ARL17A: variants seen among roughly 807,000 people sequenced by gnomAD.
ARL17A encodes ARF like GTPase 17A, also known as ADP-ribosylation factor-like 17-like.
At chr17:46,522,436 C>CTTGTTTGTTTGT (rs200442940) in intron 3 of ARL17A, among the ~76,000 whole-genome samples, 11 of 120,344 alleles carry the variant, frequency 9.1e-5, no homozygotes, top group Non-Finnish European at 1.8e-4. Context: ...AAATGTGAGA[C>CTTGTTTGTTTGT]TTGTTTGTTT....
intron 4 of ARL17A, among the ~76,000 whole-genome samples, chr17:46,530,258 C>T (rs866144610): frequency 4.7e-3 from 546 of 116,094 alleles, no homozygotes; most frequent in African/African-American, 0.014. Context: ...GGGTAGCCGA[C>T]TTTGTACAGA....
rs2145908353 is a variant in ARL17A, at chr17:46,553,822, T to C, written c.*3534A>G. The C allele has an allele frequency of 3.5e-6, 1 of 287,914 alleles. No homozygotes were observed. The highest frequency in any genetic ancestry group is 1.4e-4 in the South Asian group (1 of 7,260). 17.8% of individuals were successfully genotyped at this position (287,914 alleles called of 1,614,324 possible). A position where few individuals can be genotyped will look rare whatever the true frequency, so the allele number is the denominator to read the frequency against. On this transcript the variant is annotated 3_prime_UTR_variant, in exon 4 of 4. Coordinates refer to ENST00000336125, the MANE Select transcript of ARL17A (RefSeq NM_001113738.2). ...GGACACACCTGCTGTCCCCAGCCCTTTCGGGAGGTGGGGAGGGATAGGAAG... is the reference window on the plus strand; with the variant it reads ...GGACACACCTGCTGTCCCCAGCCCTCTCGGGAGGTGGGGAGGGATAGGAAG...
chr17:46,534,701 A>C (rs1333960412), intron 4 of ARL17A, among the ~76,000 whole-genome samples: 1 of 149,904 alleles, frequency 6.7e-6, no homozygotes, highest in Non-Finnish European at 1.5e-5. Context: ...GTTCTCAATG[A>C]GCTGTTGGGT....
intron 3 of ARL17A, among the ~76,000 whole-genome samples, chr17:46,542,598 G>A (rs2055574827): frequency 6.7e-6 from 1 of 150,032 alleles, no homozygotes; most frequent in African/African-American, 2.5e-5. Context: ...GGGAACCTGA[G>A]TCAGGAGGAT....
intron 3 of ARL17A, among the ~76,000 whole-genome samples, chr17:46,558,130 G>C (rs1312966263): frequency 7.9e-6 from 1 of 127,354 alleles, no homozygotes; most frequent in Admixed American, 7.8e-5. Context: ...CACGATCTCA[G>C]CTCACTGCAT....
downstream of ARL17A, among the ~76,000 whole-genome samples, chr17:46,525,691 C>T (rs1481235833): frequency 3.4e-5 from 4 of 118,190 alleles, no homozygotes; most frequent in African/African-American, 1.2e-4. Context: ...CAGGAAAACA[C>T]TGGAATCACA....
chr17:46,553,311 G>T lies in ARL17A; in HGVS notation c.*4045C>A, dbSNP rs2056996144. 6.2e-7 allele frequency: 1 copy of T among 1,602,192 alleles called. No individual in the cohort carries two copies. Among genetic ancestry groups the T allele is most frequent in the East Asian group, 2.3e-5 (1 of 44,114 alleles). On this transcript the variant is annotated 3_prime_UTR_variant, in exon 4 of 4. Coordinates refer to ENST00000336125, the MANE Select transcript of ARL17A (RefSeq NM_001113738.2). The stretch of plus-strand genomic sequence containing the variant: ...AAAAGTTACCTCATCAGGTAGATGA[G>T]ACTTATAATGAATAAAAGGAATCAA...
chr17:46,544,915 TC>T (rs1372470123), intron 3 of ARL17A, among the ~76,000 whole-genome samples: 2 of 139,666 alleles, frequency 1.4e-5, no homozygotes, highest in Non-Finnish European at 3.1e-5. Context: ...GCCTCTACTT[TC>T]TTTGATCTTT....
the ARL17A span, among the ~76,000 whole-genome samples, chr17:46,501,895 C>T: frequency 6.6e-6 from 1 of 151,244 alleles, no homozygotes; most frequent in Admixed American, 6.6e-5. Context: ...ACTATACCCA[C>T]TTTTGTAGCT....
At chr17:46,548,032 G>A, downstream of ARL17A, 1 of 70,840 alleles carries the variant, frequency 1.4e-5, no homozygotes, top group South Asian at 9.7e-5. Flanking sequence ...TGAGCACTGG[G>A]CAATTGGCCT....
intron 4 of ARL17A, among the ~76,000 whole-genome samples, chr17:46,532,004 C>T (rs1410294733): frequency 6.7e-6 from 1 of 148,852 alleles, no homozygotes; most frequent in East Asian, 1.9e-4. Context: ...TGTAGGGGGT[C>T]CACCTTCATT....
intron 4 of ARL17A, among the ~76,000 whole-genome samples, chr17:46,534,641 C>T (rs2054304203): frequency 6.7e-6 from 1 of 148,726 alleles, no homozygotes; most frequent in Admixed American, 6.6e-5. Flanking sequence ...ATCTTTTCCC[C>T]ACATTTCCCC....
chr17:46,525,645 A>G (rs1194546982), downstream of ARL17A, among the ~76,000 whole-genome samples: 4 of 122,034 alleles, frequency 3.3e-5, 1 homozygote, highest in African/African-American at 1.1e-4. Flanking sequence ...CATCATCATC[A>G]TCTAGCCAGC....
chr17:46,557,339 C>G lies in ARL17A; in HGVS notation c.*17G>C. 1 of 358,786 alleles carries G rather than the reference C, an allele frequency of 2.8e-6. No homozygotes were observed. The highest frequency in any genetic ancestry group is 4.6e-6 in the Non-Finnish European group (1 of 219,682). 22.2% of individuals were successfully genotyped at this position (358,786 alleles called of 1,614,324 possible). On this transcript the variant is annotated 3_prime_UTR_variant, in exon 4 of 4. Coordinates refer to ENST00000336125, the MANE Select transcript of ARL17A (RefSeq NM_001113738.2). The stretch of plus-strand genomic sequence containing the variant: ...GGTGAAGGTTGTGGGGATGGGGTTG[C>G]ACCACTGGCTTTCAGGCTACTTTAC...
chr17:46,534,819 C>T lies in ARL17A; in HGVS notation c.335+3532G>A, dbSNP rs1240789545. On this transcript the variant is annotated intron_variant, in intron 4 of 4. Coordinates refer to the ARL17A transcript ENST00000329240. ...CTCCCGGAGGGGGCGGCTGGCCAGG[C>T]GGGGGCTGGCCCCCACCTCCCTCCC... 1.4e-4 allele frequency among the ~76,000 whole-genome samples: 21 copies of T among 147,140 alleles called. 1 individual carries two copies. The highest frequency in any genetic ancestry group is 5.1e-4 in the African/African-American group (19 of 37,294).
At chr17:46,550,920 GGA>G (rs1035420102), downstream of ARL17A, among the ~76,000 whole-genome samples, 50 of 148,636 alleles carry the variant, frequency 3.4e-4, 6 homozygotes, top group African/African-American at 1.2e-3. Context: ...TGGAGAGGAA[GGA>G]GAGAGCCAAA....
intron 3 of ARL17A, among the ~76,000 whole-genome samples, chr17:46,545,674 ACTC>A (rs1287315778): frequency 2.2e-4 from 26 of 117,194 alleles, no homozygotes; most frequent in Admixed American, 1.0e-3. Flanking sequence ...TTGAAGAAGA[ACTC>A]CTCCTCTTTC....
intron 4 of ARL17A, among the ~76,000 whole-genome samples, chr17:46,531,441 ATTT>A (rs2053627523): frequency 1.1e-5 from 1 of 93,270 alleles, no homozygotes; most frequent in Non-Finnish European, 2.0e-5. Flanking sequence ...TTGAAGAAAT[ATTT>A]ATTCACATCC....
chr17:46,541,909 C>CCCT (rs1172115693), intron 3 of ARL17A, among the ~76,000 whole-genome samples: 2 of 148,338 alleles, frequency 1.3e-5, no homozygotes, highest in Non-Finnish European at 2.9e-5. Flanking sequence ...GACAACTGTT[C>CCCT]ACTCCTTTTT....
Sources: gnomAD v4.1 joint callset for allele counts (sites outside exome capture counted in the v4.1 genomes callset) on GRCh38, gnomAD v4.1.1 for gene constraint, MANE v1.5 for transcripts, NCBI Gene and HGNC (gene_info 2026-07-23, HGNC 2026-07-21) for gene names.